The following PRKAG2 variants were observed in gnomAD, a reference collection of about 807,000 sequenced individuals.
PRKAG2 encodes the protein protein kinase AMP-activated non-catalytic subunit gamma 2.
A neutral mutation model predicts 69.6 loss-of-function variants in PRKAG2; 26 were observed. That is an observed-to-expected ratio of 0.37 (90% confidence interval 0.27 to 0.52). The LOEUF (loss-of-function observed/expected upper bound fraction) is 0.52, where lower values mean the gene tolerates loss of function less well. Among genes scored for constraint, PRKAG2 ranks in the 20% least tolerant of loss-of-function variants. The pLI, the probability that PRKAG2 is intolerant of heterozygous loss-of-function variation, is 0.90. For synonymous variants in PRKAG2, 293 were observed against 285.0 expected (o/e 1.03, Z -0.28); for missense variants, 557 against 740.0 (o/e 0.75, Z 2.87).
At chr7:151,634,570 A>T (rs1242784712) in intron 4 of PRKAG2, among the ~76,000 whole-genome samples, 1 of 152,248 alleles carries the variant, frequency 6.6e-6, no homozygotes, top group Non-Finnish European at 1.5e-5. Flanking sequence ...AATTACTAGC[A>T]CACTGCCTAT....
chr7:151,786,518 C>T lies in PRKAG2; in HGVS notation c.138G>A (p.Pro46=), dbSNP rs767613486. 2.7e-5 allele frequency: 43 copies of T among 1,612,856 alleles called. No homozygotes were observed. The highest frequency in any genetic ancestry group is 6.7e-5 in the Admixed American group (4 of 59,876). The change falls in exon 2 of 16, where the codon CCG becomes CCA. Residue 46 remains proline (P), a synonymous_variant. Coordinates refer to ENST00000287878, the MANE Select transcript of PRKAG2 (RefSeq NM_016203.4). ...AACCCTCCAGGTCTCCGTCCAGGAG[C>T]GGCATGGCGAAGGAGCTCAGGTCCT... is the stretch of plus-strand genomic sequence containing the variant. The part of the protein sequence containing the change: ...HIPDLSSFAM[P]LLDGDLEGSG...
At chr7:151,705,504 C>T (rs1463528444) in intron 3 of PRKAG2, among the ~76,000 whole-genome samples, 2 of 152,032 alleles carry the variant, frequency 1.3e-5, no homozygotes, top group East Asian at 3.9e-4. Flanking sequence ...CACAGCTGGG[C>T]GAGGGGACAG....
In PRKAG2 at chr7:151,814,545, C is replaced by T. The variant is rs2078581862; in HGVS notation, c.115-28004G>A. 8.1e-7 allele frequency: 1 copy of T among 1,231,528 alleles called. No individual in the cohort carries two copies. Among genetic ancestry groups the T allele is most frequent in the South Asian group, 4.1e-5 (1 of 24,220 alleles). 76.3% of individuals were successfully genotyped at this position (1,231,528 alleles called of 1,614,324 possible). On this transcript the variant is annotated intron_variant, in intron 1 of 15. Coordinates refer to ENST00000287878, the MANE Select transcript of PRKAG2 (RefSeq NM_016203.4). This position sits in a 1 kb window ranked among gnomAD's most constrained non-coding sequence, Gnocchi z 4.8. Reference sequence around the variant, plus strand: ...CTCCCAGCTCTGACAAATCCTGCTGCCTCACTCGAAAGGTCCATCAGAGAA... The same window carrying T: ...CTCCCAGCTCTGACAAATCCTGCTGTCTCACTCGAAAGGTCCATCAGAGAA...
At chr7:151,754,982 C>A (rs62478208) in intron 3 of PRKAG2, among the ~76,000 whole-genome samples, 7,640 of 152,108 alleles carry the variant, frequency 0.05, 274 homozygotes, top group Non-Finnish European at 0.074. Flanking sequence ...TGGAAATGAG[C>A]ATGTTGGATG....
chr7:151,557,595 C>T (rs1315011241), intron 15 of PRKAG2: 9 of 984,116 alleles, frequency 9.1e-6, no homozygotes, highest in South Asian at 4.7e-5. Context: ...TTAGGCCGGG[C>T]GCGGTGGCTC....
chr7:151,726,112 G>A (rs1041823303), intron 3 of PRKAG2, among the ~76,000 whole-genome samples: 3 of 152,092 alleles, frequency 2.0e-5, no homozygotes, highest in South Asian at 2.1e-4. Context: ...TATCTTCATG[G>A]TGTGTCCTTC....
intron 1 of PRKAG2, chr7:151,810,044 G>A (rs1478920081): frequency 6.6e-6 from 1 of 152,270 alleles, no homozygotes; most frequent in Non-Finnish European, 1.5e-5. Context: ...CTGGAGTCAT[G>A]TGCATTCTCC....
In PRKAG2 at chr7:151,842,268, G is replaced by T. The variant is rs532552447; in HGVS notation, c.114+34239C>A. Among the ~76,000 whole-genome samples, 13 of 95,264 alleles carry T rather than the reference G, an allele frequency of 1.4e-4. No individual in the cohort carries two copies. In the East Asian group the frequency reaches 3.6e-3, roughly 27 times the overall value. 62.5% of individuals were successfully genotyped at this position (95,264 alleles called of 152,430 possible). On this transcript the variant is annotated intron_variant, in intron 1 of 15. Coordinates refer to ENST00000287878, the MANE Select transcript of PRKAG2 (RefSeq NM_016203.4). ...TAGGTAGGGATGGTAGTGATGGTAGGTAGTGATGATGGTAGCAATGGTAGG... is the reference window on the plus strand; with the variant it reads ...TAGGTAGGGATGGTAGTGATGGTAGTTAGTGATGATGGTAGCAATGGTAGG...
At chr7:151,661,614 C>T (rs1269975808) in intron 4 of PRKAG2, among the ~76,000 whole-genome samples, 1 of 152,144 alleles carries the variant, frequency 6.6e-6, no homozygotes, top group African/African-American at 2.4e-5. Context: ...CTACGATGAG[C>T]AGCTGACATT....
At chr7:151,657,146 AAG>A (rs1491548190) in intron 4 of PRKAG2, among the ~76,000 whole-genome samples, 9 of 151,820 alleles carry the variant, frequency 5.9e-5, no homozygotes, top group Non-Finnish European at 1.2e-4. Flanking sequence ...CAAAAAAAAA[AAG>A]GGGGGGTGGT....
At position 151,632,655 on chromosome 7, in the gene PRKAG2, AGGCT is replaced by A. The variant is rs967596153; in HGVS notation, c.685-521_685-518del. 6 of 972,706 alleles carry A rather than the reference AGGCT, an allele frequency of 6.2e-6. No homozygotes were observed. In the African/African-American group the frequency reaches 1.1e-4, roughly 17 times the overall value. The allele number at this position is 972,706 out of a possible 1,614,324, so 60.3% of individuals were successfully genotyped here. A position where few individuals can be genotyped will look rare whatever the true frequency, so the allele number is the denominator to read the frequency against. Reference sequence around the variant, plus strand: ...GCGCGGGGAGGGGGAGAGGGGCTGGAGGCTGCAGAACGCCCCGGGGCGCCAGCTA... The same window carrying A: ...GCGCGGGGAGGGGGAGAGGGGCTGGAGCAGAACGCCCCGGGGCGCCAGCTA... On this transcript the variant is annotated intron_variant, in intron 4 of 15. Transcript: ENST00000287878. The surrounding 1 kb of genome is among the most constrained non-coding windows in gnomAD (Gnocchi z 4.2).
At chr7:151,644,387 C>G (rs1369936578) in intron 4 of PRKAG2, among the ~76,000 whole-genome samples, 1 of 152,206 alleles carries the variant, frequency 6.6e-6, no homozygotes, top group Non-Finnish European at 1.5e-5. Context: ...TACTTTTTAT[C>G]ACTATGTCAC....
chr7:151,736,441 C>A, intron 3 of PRKAG2: 1 of 943,118 alleles, frequency 1.1e-6, no homozygotes, highest in East Asian at 1.0e-4. Context: ...ACCAGATAGG[C>A]AAAGGAGGCA....
chr7:151,695,378 A>G (rs1836435300), intron 3 of PRKAG2, among the ~76,000 whole-genome samples: 1 of 152,216 alleles, frequency 6.6e-6, no homozygotes, highest in Non-Finnish European at 1.5e-5. Flanking sequence ...CAGGGGGAGA[A>G]GGCCAAATGC....
intron 1 of PRKAG2, among the ~76,000 whole-genome samples, chr7:151,855,841 C>A (rs1388649454): frequency 1.3e-5 from 2 of 152,256 alleles, no homozygotes; most frequent in Non-Finnish European, 2.9e-5. Flanking sequence ...AGTCTGTGTC[C>A]TCGCTTAGGC....
chr7:151,632,555 C>T lies in PRKAG2; in HGVS notation c.685-417G>A, dbSNP rs1309075620. Reference sequence around the variant, plus strand: ...GCCCGCGGCCCGCCCCCACTCCGCCCCCCGGCGCCGCTCACCTTCCCAGCA... The same window carrying T: ...GCCCGCGGCCCGCCCCCACTCCGCCTCCCGGCGCCGCTCACCTTCCCAGCA... On this transcript the variant is annotated intron_variant, in intron 4 of 15. Transcript: ENST00000287878. This position sits in a 1 kb window ranked among gnomAD's most constrained non-coding sequence, Gnocchi z 4.2. 2.0e-6 allele frequency: 2 copies of T among 984,272 alleles called. No individual in the cohort carries two copies. Among genetic ancestry groups the T allele is most frequent in the Non-Finnish European group, 2.4e-6 (2 of 829,332 alleles). 61.0% of individuals were successfully genotyped at this position (984,272 alleles called of 1,614,324 possible). A position where few individuals can be genotyped will look rare whatever the true frequency, so the allele number is the denominator to read the frequency against.
In PRKAG2 at chr7:151,844,449, C is replaced by CGGG. The variant is rs1325376879; in HGVS notation, c.114+32055_114+32057dup. 4.6e-4 allele frequency among the ~76,000 whole-genome samples: 70 copies of CGGG among 152,228 alleles called. 1 individual carries two copies. Among genetic ancestry groups the CGGG allele is most frequent in the African/African-American group, 1.5e-3 (64 of 41,556 alleles). ...TTGGCGAGGCAGAGGTGGGAAGGAA[C>CGGG]GGGGGTAAAAACCCTCCCACCTGGG... is the stretch of plus-strand genomic sequence containing the variant. On this transcript the variant is annotated intron_variant, in intron 1 of 15. Transcript: ENST00000287878.
chr7:151,795,935 G>A lies in PRKAG2; in HGVS notation c.115-9394C>T, dbSNP rs144733404. Among the ~76,000 whole-genome samples, 1,244 of 134,624 alleles carry A rather than the reference G, an allele frequency of 9.2e-3. 21 individuals are homozygous for A. Among genetic ancestry groups the A allele is most frequent in the African/African-American group, 0.033 (1,183 of 35,458 alleles). The allele number at this position is 134,624 out of a possible 152,430, so 88.3% of individuals were successfully genotyped here. A position where few individuals can be genotyped will look rare whatever the true frequency, so the allele number is the denominator to read the frequency against. Reference sequence around the variant, plus strand: ...AATCATGTTATATACATTATATAGAGTTAATATATTATGTGATTATATCTC... The same window carrying A: ...AATCATGTTATATACATTATATAGAATTAATATATTATGTGATTATATCTC... On this transcript the variant is annotated intron_variant, in intron 1 of 15. Transcript: ENST00000287878.
At chr7:151,784,393 G>A (rs2151812346) in intron 2 of PRKAG2, among the ~76,000 whole-genome samples, 1 of 152,310 alleles carries the variant, frequency 6.6e-6, no homozygotes, top group Non-Finnish European at 1.5e-5. Flanking sequence ...GGGGCCCCAG[G>A]AGAGCTTGCA....
Sources: allele counts gnomAD v4.1 joint callset (sites outside exome capture counted in the v4.1 genomes callset), GRCh38; gene constraint gnomAD v4.1.1; non-coding constraint Gnocchi (gnomAD v3.1); transcripts MANE v1.5; gene names NCBI Gene and HGNC (gene_info 2026-07-23, HGNC 2026-07-21).